KLF16: variants seen among roughly 807,000 people sequenced by gnomAD.
KLF16 encodes the protein KLF transcription factor 16, also known as Krueppel-like factor 16.
Under a neutral mutation model 6.1 loss-of-function variants are expected in KLF16, and 6 were observed. That is an observed-to-expected ratio of 0.98 (90% CI 0.54 to 1.93). The LOEUF (loss-of-function observed/expected upper bound fraction) is 1.93. KLF16 is among the 30% of genes most tolerant of loss of function. The pLI, the probability that KLF16 is intolerant of heterozygous loss-of-function variation, is 0.01. For missense variants in KLF16, 355 were observed against 363.8 expected (o/e 0.98, Z 0.20); for synonymous variants, 211 against 176.5 (o/e 1.20, Z -1.55).
the KLF16 span, among the ~76,000 whole-genome samples, chr19:1,871,965 C>T: frequency 2.6e-5 from 4 of 152,134 alleles, no homozygotes; most frequent in Non-Finnish European, 5.9e-5. Flanking sequence ...CCTGCACCCC[C>T]AGCCCCTCCT....
At position 1,854,086 on chromosome 19, in the gene KLF16, T is replaced by G; in HGVS notation, c.*373A>C. The G allele has an allele frequency of 4.6e-6, 1 of 218,506 alleles. No homozygotes were observed. Among genetic ancestry groups the G allele is most frequent in the Non-Finnish European group, 8.9e-6 (1 of 112,324 alleles). The allele number at this position is 218,506 out of a possible 1,614,324, so 13.5% of individuals were successfully genotyped here. ...CTGCAGGGATGGGGCAGGGGGTGCT[T>G]TCCCCGGGCCGGCTCCCAGAAGTCC... On this transcript the variant is annotated 3_prime_UTR_variant, in exon 2 of 2. Coordinates refer to ENST00000250916, the MANE Select transcript of KLF16 (RefSeq NM_031918.4).
At chr19:1,873,779 G>T in the KLF16 span, among the ~76,000 whole-genome samples, 1 of 152,244 alleles carries the variant, frequency 6.6e-6, no homozygotes, top group Non-Finnish European at 1.5e-5. Context: ...GGTCCCAAGA[G>T]CAGGGGGTGG....
rs1176802883 is a variant in KLF16 at position 1,863,407 on chromosome 19, C to T, written c.91G>A (p.Gly31Ser). ...GCGGCGGGGCCCGCGCCCTCGGGGC[C>T]GGGCCGCCCGCGGTGCACCACGGCG... ...SGAVVHRGRP[G>S]PEGAGPAAGL... The change falls in exon 1 of 2, where the codon GGC becomes AGC. Residue 31 changes from glycine to serine, a missense_variant. Physicochemically the swap from Gly to Ser is moderately conservative, Grantham distance 56. Coordinates refer to ENST00000250916, the MANE Select transcript of KLF16 (RefSeq NM_031918.4). 1.3e-5 allele frequency: 13 copies of T among 995,838 alleles called. No individual in the cohort carries two copies. Among genetic ancestry groups the T allele is most frequent in the African/African-American group, 1.8e-5 (1 of 56,368 alleles). 61.7% of individuals were successfully genotyped at this position (995,838 alleles called of 1,614,324 possible).
upstream of KLF16, among the ~76,000 whole-genome samples, chr19:1,867,888 TAAC>T (rs977156215): frequency 1.3e-5 from 2 of 150,202 alleles, no homozygotes; most frequent in Non-Finnish European, 3.0e-5. Flanking sequence ...CAATAGTAAA[TAAC>T]AAAGATGCAG....
At chr19:1,862,452 C>A (rs1442848470) in intron 1 of KLF16, among the ~76,000 whole-genome samples, 2 of 152,118 alleles carry the variant, frequency 1.3e-5, no homozygotes. Flanking sequence ...ACTCAGGCCC[C>A]AACCCGCGCT....
In KLF16 at chr19:1,863,103, G is replaced by T. The variant is rs986401397; in HGVS notation, c.395C>A (p.Pro132Gln). Residue 132 changes from proline to glutamine, a missense_variant, in exon 1 of 2, where the codon CCG (proline) becomes CAG (glutamine). By Grantham distance (76) the Pro-to-Gln change is moderately conservative. Transcript: ENST00000250916. ...AAAKSHRCPF[P>Q]DCAKAYYKSS... ...CTTGTAGTAGGCTTTGGCGCAGTCCGGGAAGGGACAGCGGTGGCTCTTGGC... is the reference window on the plus strand; with the variant it reads ...CTTGTAGTAGGCTTTGGCGCAGTCCTGGAAGGGACAGCGGTGGCTCTTGGC... 7.2e-7 allele frequency: 1 copy of T among 1,396,708 alleles called. No homozygotes were observed. Among genetic ancestry groups the T allele is most frequent in the Non-Finnish European group, 9.5e-7 (1 of 1,056,480 alleles). 86.5% of individuals were successfully genotyped at this position (1,396,708 alleles called of 1,614,324 possible). A position where few individuals can be genotyped will look rare whatever the true frequency, so the allele number is the denominator to read the frequency against.
At chr19:1,854,830 G>T (rs1268726545) in intron 1 of KLF16, 70 bp from the exon 2 acceptor site, 9 of 1,522,286 alleles carry the variant, frequency 5.9e-6, no homozygotes, top group Non-Finnish European at 8.0e-6. Flanking sequence ...CGTTCCAGCA[G>T]ATCCCAAAGG....
At chr19:1,873,537 C>T in the KLF16 span, among the ~76,000 whole-genome samples, 3 of 152,350 alleles carry the variant, frequency 2.0e-5, no homozygotes, top group South Asian at 4.1e-4. Flanking sequence ...GTACCAGGAG[C>T]AGGTGACACA....
intron 1 of KLF16, among the ~76,000 whole-genome samples, chr19:1,856,729 C>T (rs575673787): frequency 6.6e-6 from 1 of 152,206 alleles, no homozygotes; most frequent in Non-Finnish European, 1.5e-5. Context: ...TGTGGGAGCG[C>T]GGCTGGAGCA....
chr19:1,855,236 C>A (rs1453944953), intron 1 of KLF16, among the ~76,000 whole-genome samples: 1 of 152,224 alleles, frequency 6.6e-6, no homozygotes, highest in Non-Finnish European at 1.5e-5. Flanking sequence ...TGATCCCCTC[C>A]TTTTCCAAAT....
intron 1 of KLF16, among the ~76,000 whole-genome samples, chr19:1,855,524 C>CCACTT (rs2011932432): frequency 6.6e-6 from 1 of 152,196 alleles, no homozygotes; most frequent in African/African-American, 2.4e-5. Context: ...CACCACCCGG[C>CCACTT]CACTTCCTCC....
At chr19:1,861,655 C>T (rs902145672) in intron 1 of KLF16, 12 of 152,402 alleles carry the variant, frequency 7.9e-5, no homozygotes, top group Admixed American at 4.6e-4. Context: ...CCTCCAGGCC[C>T]CTGGGACCAG....
chr19:1,854,232 T>C lies in KLF16; in HGVS notation c.*227A>G, dbSNP rs2011898464. 4.2e-6 allele frequency: 2 copies of C among 478,110 alleles called. No homozygotes were observed. Among genetic ancestry groups the C allele is most frequent in the South Asian group, 1.1e-4 (2 of 18,566 alleles). The allele number at this position is 478,110 out of a possible 1,614,324, so 29.6% of individuals were successfully genotyped here. On this transcript the variant is annotated 3_prime_UTR_variant, in exon 2 of 2. Transcript: ENST00000250916. Reference sequence around the variant, plus strand: ...TGCACAGATGGGAAGAAAGTTAGTATCATGGCTATTTACAGACACAAGCCC... The same window carrying C: ...TGCACAGATGGGAAGAAAGTTAGTACCATGGCTATTTACAGACACAAGCCC...
upstream of KLF16, among the ~76,000 whole-genome samples, chr19:1,866,085 C>T (rs1252963023): frequency 3.3e-5 from 5 of 152,114 alleles, no homozygotes; most frequent in Non-Finnish European, 7.4e-5. Flanking sequence ...TGGCAGATCA[C>T]CTGAGGTCAG....
chr19:1,871,530 A>G, the KLF16 span, among the ~76,000 whole-genome samples: 1 of 152,128 alleles, frequency 6.6e-6, no homozygotes, highest in African/African-American at 2.4e-5. Flanking sequence ...GATAGCCTTT[A>G]TTTACATTAC....
chr19:1,870,220 A>T, the KLF16 span, among the ~76,000 whole-genome samples: 3 of 151,758 alleles, frequency 2.0e-5, no homozygotes, highest in Admixed American at 6.6e-5. Context: ...GTGAGCCACC[A>T]CACCCGGCCA....
upstream of KLF16, among the ~76,000 whole-genome samples, chr19:1,865,612 G>A (rs552391755): frequency 5.9e-5 from 9 of 152,334 alleles, no homozygotes; most frequent in East Asian, 7.7e-4. Context: ...CCTTCACTGT[G>A]AGACTCCATT....
In KLF16 at chr19:1,863,064, T is replaced by G; in HGVS notation, c.434A>C (p.Lys145Thr). 7.1e-7 allele frequency: 1 copy of G among 1,409,452 alleles called. No individual in the cohort carries two copies. Among genetic ancestry groups the G allele is most frequent in the Non-Finnish European group, 9.4e-7 (1 of 1,063,150 alleles). 87.3% of individuals were successfully genotyped at this position (1,409,452 alleles called of 1,614,324 possible). ...AKAYYKSSHL[K>T]SHLRTHTGER... ...ACCTGTGTGCGTCCGCAGGTGCGAC[T>G]TTAGGTGCGAGGACTTGTAGTAGGC... The change falls in exon 1 of 2, where the codon AAG becomes ACG. Residue 145 changes from lysine to threonine, a missense_variant. Coordinates refer to ENST00000250916, the MANE Select transcript of KLF16 (RefSeq NM_031918.4).
At chr19:1,873,702 G>A in the KLF16 span, among the ~76,000 whole-genome samples, 1 of 152,258 alleles carries the variant, frequency 6.6e-6, no homozygotes, top group Non-Finnish European at 1.5e-5. Flanking sequence ...AGTGGGAGGT[G>A]GGGAGAGCGC....
Sources: gnomAD v4.1 joint callset for allele counts (sites outside exome capture counted in the v4.1 genomes callset) on GRCh38, gnomAD v4.1.1 for gene constraint, MANE v1.5 for transcripts, NCBI Gene and HGNC (gene_info 2026-07-23, HGNC 2026-07-21) for gene names.